The following PIEZO2 variants were observed in gnomAD, a reference collection of about 807,000 sequenced individuals.
The protein encoded by PIEZO2 is piezo-type mechanosensitive ion channel component 2.
A neutral mutation model predicts 337.3 loss-of-function variants in PIEZO2; 172 were observed. The observed-to-expected ratio is 0.51, with a 90% CI of 0.45 to 0.58. The LOEUF (loss-of-function observed/expected upper bound fraction) is 0.58, where lower values mean the gene tolerates loss of function less well. Among genes scored for constraint, PIEZO2 ranks in the 20% least tolerant of loss-of-function variants. The pLI is 0.00. For synonymous variants in PIEZO2, 1,251 were observed against 1,228.5 expected, an observed-to-expected ratio of 1.02 and a Z score of -0.38; for missense variants, 3,028 against 3,391.3, an observed-to-expected ratio of 0.89 and a Z score of 2.66.
intron 2 of PIEZO2, among the ~76,000 whole-genome samples, chr18:11,022,569 C>T (rs926980227): frequency 6.6e-6 from 1 of 152,154 alleles, no homozygotes; most frequent in Non-Finnish European, 1.5e-5. Flanking sequence ...TTGGTGTCTT[C>T]CTCCTCTTAC....
At position 10,691,305 on chromosome 18, in the gene PIEZO2, G is replaced by C. The variant is rs2034814820; in HGVS notation, c.7269C>G (p.Ile2423Met). 1 of 1,614,020 alleles carries C rather than the reference G, an allele frequency of 6.2e-7. No individual in the cohort carries two copies. Among genetic ancestry groups the C allele is most frequent in the Non-Finnish European group, 8.5e-7 (1 of 1,179,948 alleles). Residue 2423 changes from isoleucine (I) to methionine (M), a missense_variant, in exon 48 of 56, where the codon ATC (isoleucine) becomes ATG (methionine). Transcript: ENST00000674853. Reference sequence around the variant, plus strand: ...GGACTCGCGTTGGGTAGCCACAACGGATCTGGTAAGCAGACAACCCGAAGT... The same window carrying C: ...GGACTCGCGTTGGGTAGCCACAACGCATCTGGTAAGCAGACAACCCGAAGT... ...CVYFGLSAYQIRCGYPTRVLG... is the reference protein window; with the variant it reads ...CVYFGLSAYQMRCGYPTRVLG...
At chr18:10,768,303 G>A (rs1320428639) in intron 21 of PIEZO2, among the ~76,000 whole-genome samples, 1 of 152,208 alleles carries the variant, frequency 6.6e-6, no homozygotes, top group Non-Finnish European at 1.5e-5. Flanking sequence ...TCAGGGACAC[G>A]GAGGAAAGTT....
Position 11,086,500 on chromosome 18 carries a change from C to T in PIEZO2, c.65-20278G>A, listed in dbSNP as rs142727960. On this transcript the variant is annotated intron_variant, in intron 1 of 55. Transcript: ENST00000674853. Reference sequence around the variant, plus strand: ...CGCCACTGCACTCCAGCCTGGGCAACAGAGCGAGACTCCGTCTCAAAAAAA... The same window carrying T: ...CGCCACTGCACTCCAGCCTGGGCAATAGAGCGAGACTCCGTCTCAAAAAAA... Among the ~76,000 whole-genome samples the T allele has an allele frequency of 3.9e-3, 565 of 144,840 alleles. 6 individuals are homozygous for T. The highest frequency in any genetic ancestry group is 0.014 in the African/African-American group (528 of 37,700).
intron 7 of PIEZO2, among the ~76,000 whole-genome samples, chr18:10,845,562 T>G (rs966767498): frequency 6.6e-6 from 1 of 152,242 alleles, no homozygotes; most frequent in African/African-American, 2.4e-5. Context: ...ATTCTTTGGT[T>G]GATTGCTAGT....
intron 2 of PIEZO2, among the ~76,000 whole-genome samples, chr18:11,024,907 G>A (rs1019937528): frequency 3.3e-5 from 5 of 151,680 alleles, no homozygotes; most frequent in East Asian, 3.9e-4. Context: ...CCAAAGTGCT[G>A]GAAATACAGG....
Position 10,980,313 on chromosome 18 carries a change from A to C in PIEZO2, c.161-653T>G, listed in dbSNP as rs2034617335. Among the ~76,000 whole-genome samples, 1 of 152,192 alleles carries C rather than the reference A, an allele frequency of 6.6e-6. No individual in the cohort carries two copies. Among genetic ancestry groups the C allele is most frequent in the Non-Finnish European group, 1.5e-5 (1 of 68,024 alleles). On this transcript the variant is annotated intron_variant, in intron 2 of 55. Coordinates refer to ENST00000674853, the MANE Select transcript of PIEZO2 (RefSeq NM_001378183.1). The surrounding 1 kb of genome is among the most constrained non-coding windows in gnomAD (Gnocchi z 4.8). ...TGGTTTTCTCAATTGGCACCAAAGA[A>C]ATGTTTCATAAAGTTCAAAACCTAG...
rs527503277 is a variant in PIEZO2, at chr18:10,678,854, G to A, written c.7953-979C>T. Among the ~76,000 whole-genome samples, 274 of 152,116 alleles carry A rather than the reference G, an allele frequency of 1.8e-3. 1 individual carries two copies. The highest frequency in any genetic ancestry group is 6.2e-3 in the African/African-American group (257 of 41,510). On this transcript the variant is annotated intron_variant, in intron 52 of 55. Transcript: ENST00000674853. ...GTCAAGCTGCCCTCGCATCTCACAC[G>A]TTGGAAGGGGGTCAGGTAGGGCTTC... is the stretch of plus-strand genomic sequence containing the variant.
intron 1 of PIEZO2, among the ~76,000 whole-genome samples, chr18:11,134,501 G>T (rs2040427100): frequency 6.6e-6 from 1 of 152,072 alleles, no homozygotes; most frequent in Non-Finnish European, 1.5e-5. Flanking sequence ...TGAGATTTCT[G>T]GTCTTCTAAA....
chr18:11,024,247 G>GAA (rs111362173), intron 2 of PIEZO2, among the ~76,000 whole-genome samples: 5 of 151,442 alleles, frequency 3.3e-5, no homozygotes, highest in Admixed American at 2.0e-4. Flanking sequence ...GTACTTGGCT[G>GAA]AAAAAAAAAT....
In PIEZO2 at chr18:11,009,682, A is replaced by G. The variant is rs1004862171; in HGVS notation, c.161-30022T>C. Among the ~76,000 whole-genome samples the G allele has an allele frequency of 6.6e-6, 1 of 152,300 alleles. No homozygotes were observed. The highest frequency in any genetic ancestry group is 2.1e-4 in the South Asian group (1 of 4,830). ...CGTGTCCCCTTCATATGCTAAGTTC[A>G]TATGTCAAAGTCCTAACACCCAGTA... On this transcript the variant is annotated intron_variant, in intron 2 of 55. Coordinates refer to ENST00000674853, the MANE Select transcript of PIEZO2 (RefSeq NM_001378183.1). This position sits in a 1 kb window ranked among gnomAD's most constrained non-coding sequence, Gnocchi z 4.6.
intron 7 of PIEZO2, among the ~76,000 whole-genome samples, chr18:10,823,218 A>T (rs1233064487): frequency 6.6e-6 from 1 of 152,134 alleles, no homozygotes; most frequent in Non-Finnish European, 1.5e-5. Flanking sequence ...TTTATGTATT[A>T]ACATTTTTGT....
chr18:10,817,674 A>C (rs1290970144), intron 7 of PIEZO2, among the ~76,000 whole-genome samples: 1 of 152,202 alleles, frequency 6.6e-6, no homozygotes, highest in Non-Finnish European at 1.5e-5. Context: ...CTGTAATCCT[A>C]GCACTTTGGG....
intron 1 of PIEZO2, among the ~76,000 whole-genome samples, chr18:11,147,817 C>A (rs1040575329): frequency 2.0e-5 from 3 of 152,258 alleles, no homozygotes; most frequent in Admixed American, 6.5e-5. Flanking sequence ...GGCTCCCTTG[C>A]GGTCCTCCCT....
intron 2 of PIEZO2, among the ~76,000 whole-genome samples, chr18:11,007,386 A>G (rs2035758747): frequency 6.6e-6 from 1 of 152,234 alleles, no homozygotes; most frequent in African/African-American, 2.4e-5. Flanking sequence ...CAATTCAATG[A>G]GTTTTAGCAA....
intron 1 of PIEZO2, among the ~76,000 whole-genome samples, chr18:11,120,509 G>A (rs1311158850): frequency 1.3e-5 from 2 of 152,086 alleles, no homozygotes; most frequent in Non-Finnish European, 2.9e-5. Flanking sequence ...CCTTGGTAGG[G>A]GCAAAGGCAG....
rs2034339298 is a variant in PIEZO2 at position 10,973,933 on chromosome 18, T to C, written c.286+5602A>G. On this transcript the variant is annotated intron_variant, in intron 3 of 55. Coordinates refer to ENST00000674853, the MANE Select transcript of PIEZO2 (RefSeq NM_001378183.1). The surrounding 1 kb of genome is among the most constrained non-coding windows in gnomAD (Gnocchi z 4.9). ...ATCAAGAATTTCATTTGTGTGAGAA[T>C]GGAATTATTTGTATGAGGATGGATC... is the stretch of plus-strand genomic sequence containing the variant. Among the ~76,000 whole-genome samples, 1 of 152,202 alleles carries C rather than the reference T, an allele frequency of 6.6e-6. No individual in the cohort carries two copies. Among genetic ancestry groups the C allele is most frequent in the South Asian group, 2.1e-4 (1 of 4,830 alleles).
chr18:10,782,266 A>G (rs2039019060), intron 17 of PIEZO2, among the ~76,000 whole-genome samples: 1 of 54,560 alleles, frequency 1.8e-5, no homozygotes, highest in East Asian at 6.8e-4. Context: ...ATATTATTAT[A>G]TGTAAACAAT....
At chr18:10,701,726 A>C (rs1278576634) in intron 43 of PIEZO2, 2 of 346,410 alleles carry the variant, frequency 5.8e-6, no homozygotes, top group Non-Finnish European at 1.0e-5. Flanking sequence ...CCTAGGTTGG[A>C]AACATGGGGA....
intron 2 of PIEZO2, among the ~76,000 whole-genome samples, chr18:11,046,080 C>T (rs2037303303): frequency 6.6e-6 from 1 of 152,182 alleles, no homozygotes; most frequent in Non-Finnish European, 1.5e-5. Flanking sequence ...GCAACTGTCC[C>T]CTAACCTCCT....
Sources: allele counts gnomAD v4.1 joint callset (sites outside exome capture counted in the v4.1 genomes callset), GRCh38; gene constraint gnomAD v4.1.1; non-coding constraint Gnocchi (gnomAD v3.1); transcripts MANE v1.5; gene names NCBI Gene and HGNC (gene_info 2026-07-23, HGNC 2026-07-21).